Variants in FMN1 observed in about 807,000 individuals in gnomAD.
FMN1 encodes the protein formin 1.
FMN1 carries 110 observed loss-of-function variants against 132.4 expected under a neutral mutation model. The observed-to-expected ratio is 0.83, with a 90% CI of 0.71 to 0.97. The LOEUF (loss-of-function observed/expected upper bound fraction) is 0.97. FMN1 is among the 50% of genes least tolerant of loss of function. FMN1 has a pLI of 0.00. For synonymous variants in FMN1, 722 were observed against 651.7 expected, an observed-to-expected ratio of 1.11 and a Z score of -1.64; for missense variants, 1,792 against 1,705.3, an observed-to-expected ratio of 1.05 and a Z score of -0.90.
intron 6 of FMN1, among the ~76,000 whole-genome samples, chr15:33,009,328 C>T (rs2140950451): frequency 6.6e-6 from 1 of 152,298 alleles, no homozygotes; most frequent in Admixed American, 6.5e-5. Flanking sequence ...CTCATCAAAG[C>T]AGACTGAGTG....
intron 20 of FMN1, among the ~76,000 whole-genome samples, chr15:32,776,310 A>G (rs2056415853): frequency 6.6e-6 from 1 of 152,178 alleles, no homozygotes; most frequent in South Asian, 2.1e-4. Flanking sequence ...GCAATCTCAC[A>G]TATAGGAAGG....
intron 4 of FMN1, among the ~76,000 whole-genome samples, chr15:33,103,657 A>G (rs930684830): frequency 6.6e-5 from 10 of 152,098 alleles, no homozygotes; most frequent in South Asian, 4.1e-4. Context: ...ACCAAAGGAG[A>G]AAAACAAAAA....
At chr15:33,117,917 GTGA>G (rs1048861765) in intron 4 of FMN1, among the ~76,000 whole-genome samples, 3 of 152,178 alleles carry the variant, frequency 2.0e-5, no homozygotes, top group African/African-American at 7.2e-5. Flanking sequence ...TAGGTTATGG[GTGA>G]TGGAGTGGCA....
At chr15:33,096,265 T>C (rs1313825754) in intron 4 of FMN1, among the ~76,000 whole-genome samples, 1 of 152,232 alleles carries the variant, frequency 6.6e-6, no homozygotes, top group African/African-American at 2.4e-5. Context: ...CCCAGGTGTT[T>C]GGTCTAACAA....
chr15:33,089,322 C>G (rs890115123), intron 4 of FMN1, among the ~76,000 whole-genome samples: 5 of 152,172 alleles, frequency 3.3e-5, no homozygotes, highest in Non-Finnish European at 7.3e-5. Flanking sequence ...TCCTACAGTT[C>G]CTAAACAGCG....
At chr15:32,988,893 G>A (rs900704557) in intron 7 of FMN1, among the ~76,000 whole-genome samples, 5 of 152,176 alleles carry the variant, frequency 3.3e-5, no homozygotes, top group Non-Finnish European at 4.4e-5. Flanking sequence ...AGTCTATGTT[G>A]CTTCCACTTA....
intron 2 of FMN1, among the ~76,000 whole-genome samples, chr15:33,185,766 T>A (rs1455972941): frequency 1.3e-5 from 2 of 151,952 alleles, no homozygotes; most frequent in East Asian, 3.9e-4. Context: ...GAGACAGGGT[T>A]TCACCATGTT....
rs11330959 is a variant in FMN1, at chr15:32,984,978, C to CAAAAAAAAAAAAAAAAAAAAAAAAAA, written c.2224-15502_2224-15501insTTTTTTTTTTTTTTTTTTTTTTTTTT. On this transcript the variant is annotated intron_variant, in intron 7 of 20. Transcript: ENST00000616417. ...TTTTCTCTGTTTGTTCATCCATCACCAAAAAAAAAAAAAAAAAAAAAAGAA... is the reference window on the plus strand; with the variant it reads ...TTTTCTCTGTTTGTTCATCCATCACCAAAAAAAAAAAAAAAAAAAAAAAAAAAAAAAAAAAAAAAAAAAAAAAAGAA... 1.1e-3 allele frequency among the ~76,000 whole-genome samples: 107 copies of CAAAAAAAAAAAAAAAAAAAAAAAAAA among 97,230 alleles called. No homozygotes were observed. In the Middle Eastern group the frequency reaches 0.019, roughly 17 times the overall value. 63.8% of individuals were successfully genotyped at this position (97,230 alleles called of 152,430 possible).
At chr15:32,907,648 T>C (rs2060459156) in intron 12 of FMN1, among the ~76,000 whole-genome samples, 1 of 152,158 alleles carries the variant, frequency 6.6e-6, no homozygotes, top group Non-Finnish European at 1.5e-5. Context: ...CCTGATCTGA[T>C]AGCTCCATTT....
At chr15:32,965,700 T>G (rs2031151329) in intron 8 of FMN1, among the ~76,000 whole-genome samples, 1 of 152,190 alleles carries the variant, frequency 6.6e-6, no homozygotes, top group African/African-American at 2.4e-5. Flanking sequence ...GACATTTTGG[T>G]TTTGGCCACA....
intron 17 of FMN1, among the ~76,000 whole-genome samples, chr15:32,814,580 TTCA>T (rs2057993020): frequency 6.6e-6 from 1 of 152,200 alleles, no homozygotes; most frequent in Non-Finnish European, 1.5e-5. Context: ...TGCATTTTGT[TTCA>T]TCAAGAACCT....
intron 16 of FMN1, among the ~76,000 whole-genome samples, chr15:32,884,252 A>T (rs2059841480): frequency 6.6e-6 from 1 of 152,198 alleles, no homozygotes; most frequent in Non-Finnish European, 1.5e-5. Flanking sequence ...AGGTGCTGAC[A>T]GGGCTGTACT....
chr15:33,162,813 A>T (rs1198861606), intron 3 of FMN1, among the ~76,000 whole-genome samples: 1 of 152,190 alleles, frequency 6.6e-6, no homozygotes, highest in Non-Finnish European at 1.5e-5. Flanking sequence ...AGGTCAAGAA[A>T]GAAACAAATT....
At position 32,910,494 on chromosome 15, in the gene FMN1, G is replaced by T; in HGVS notation, c.3268C>A (p.Leu1090Met). 1 of 1,580,562 alleles carries T rather than the reference G, an allele frequency of 6.3e-7. No homozygotes were observed. Residue 1090 changes from leucine (L) to methionine (M), a missense_variant, in exon 11 of 21, where the codon CTG (leucine) becomes ATG (methionine). Physicochemically the swap from Leu to Met is conservative, Grantham distance 15 (BLOSUM62 2). Around this residue, in one of 3 missense-constraint regions of FMN1, gnomAD observed 1,150 missense variants for 1,043.1 expected, o/e 1.10. Coordinates refer to ENST00000616417, the MANE Select transcript of FMN1 (RefSeq NM_001277313.2). ...CTCACGTTTTCATATAAGGCTGCCA[G>T]GGTCTCCAGATCAACCACGGAGTCA... is the stretch of plus-strand genomic sequence containing the variant. The part of the protein sequence containing the change: ...VDDSVVDLET[L>M]AALYENRAQE...
chr15:32,855,302 G>C (rs1262213363), intron 17 of FMN1, among the ~76,000 whole-genome samples: 2 of 151,984 alleles, frequency 1.3e-5, no homozygotes, highest in African/African-American at 2.4e-5. Context: ...GTATGCAAGA[G>C]AGTTGAGAAC....
intron 5 of FMN1, among the ~76,000 whole-genome samples, chr15:33,080,715 C>T (rs887033517): frequency 6.6e-6 from 1 of 152,034 alleles, no homozygotes; most frequent in Non-Finnish European, 1.5e-5. Context: ...GGTGAAACCC[C>T]GTCTCTACTA....
intron 7 of FMN1, among the ~76,000 whole-genome samples, chr15:32,973,997 A>C (rs1426153057): frequency 1.3e-5 from 2 of 152,126 alleles, no homozygotes; most frequent in African/African-American, 4.8e-5. Context: ...ATGTACTCCC[A>C]ATCTTTGCCC....
intron 9 of FMN1, among the ~76,000 whole-genome samples, chr15:32,956,165 A>C (rs931676983): frequency 1.3e-5 from 2 of 152,072 alleles, no homozygotes; most frequent in South Asian, 2.1e-4. Context: ...TTTGTATCTC[A>C]GCATTCTAAG....
At chr15:33,096,297 G>A (rs1187886299) in intron 4 of FMN1, among the ~76,000 whole-genome samples, 2 of 152,112 alleles carry the variant, frequency 1.3e-5, no homozygotes, top group African/African-American at 4.8e-5. Flanking sequence ...CAATATTGTT[G>A]CCAGCACTAG....
Sources: allele counts gnomAD v4.1 joint callset (sites outside exome capture counted in the v4.1 genomes callset), GRCh38; gene constraint gnomAD v4.1.1; regional missense constraint gnomAD v4.1.1; transcripts MANE v1.5; gene names NCBI Gene and HGNC (gene_info 2026-07-23, HGNC 2026-07-21).